The following FIP1L1 variants were observed in gnomAD, a reference collection of about 807,000 sequenced individuals.
The protein encoded by FIP1L1 is factor interacting with PAPOLA and CPSF1.
In FIP1L1, 21 loss-of-function variants were observed where a neutral mutation model predicts 84.6. The ratio of observed to expected loss-of-function variants is 0.25; its 90% CI spans 0.18 to 0.36. FIP1L1 has a LOEUF of 0.36. Among genes scored for constraint, FIP1L1 ranks in the 10% least tolerant of loss-of-function variants. FIP1L1 has a pLI of 1.00. For missense variants in FIP1L1, 526 were observed against 751.1 expected (o/e 0.70, Z 3.50); for synonymous variants, 263 against 242.3 (o/e 1.09, Z -0.80).
At chr4:53,413,252 A>G (rs144551860) in intron 10 of FIP1L1, among the ~76,000 whole-genome samples, 2 of 151,752 alleles carry the variant, frequency 1.3e-5, no homozygotes, top group African/African-American at 2.4e-5. Flanking sequence ...AGAAGCAGCC[A>G]TTTTCAAAGG....
chr4:53,432,167 A>G (rs558859489), intron 13 of FIP1L1, among the ~76,000 whole-genome samples: 14 of 152,220 alleles, frequency 9.2e-5, no homozygotes, highest in African/African-American at 3.4e-4. Flanking sequence ...AGGCTGAGGC[A>G]GGAAGATCAC....
Position 53,459,395 on chromosome 4 carries a change from G to A in FIP1L1, c.1731G>A (p.Ala577=), listed in dbSNP as rs751358491. Reference sequence around the variant, plus strand: ...AAAGAAGCAAAGAAGGAAAAGAAGCGGGCAGTGAGCCTGCCCCTGAACAGG... The same window carrying A: ...AAAGAAGCAAAGAAGGAAAAGAAGCAGGCAGTGAGCCTGCCCCTGAACAGG... The part of the protein sequence containing the change: ...KSKRSKEGKE[A]GSEPAPEQES... Residue 577 remains alanine, a synonymous_variant, in exon 18 of 18, where the codon GCG becomes GCA. Coordinates refer to ENST00000337488, the MANE Select transcript of FIP1L1 (RefSeq NM_030917.4). The A allele has an allele frequency of 6.2e-6, 10 of 1,612,468 alleles. No homozygotes were observed. The highest frequency in any genetic ancestry group is 5.5e-5 in the South Asian group (5 of 91,054).
chr4:53,417,763 A>ACT (rs58568620), intron 11 of FIP1L1, among the ~76,000 whole-genome samples: 4 of 105,276 alleles, frequency 3.8e-5, no homozygotes, highest in African/African-American at 1.5e-4. Flanking sequence ...ACACACACAC[A>ACT]CTCTCTCTCT....
At chr4:53,426,664 A>G (rs1042547141) in intron 12 of FIP1L1, among the ~76,000 whole-genome samples, 9 of 152,202 alleles carry the variant, frequency 5.9e-5, no homozygotes, top group African/African-American at 2.2e-4. Context: ...GGATACTATT[A>G]TAATTATATT....
intron 11 of FIP1L1, among the ~76,000 whole-genome samples, chr4:53,416,321 A>G (rs971635842): frequency 3.3e-5 from 5 of 152,184 alleles, no homozygotes; most frequent in Admixed American, 2.0e-4. Flanking sequence ...TAAACTTACA[A>G]TTGTTTTGTT....
intron 13 of FIP1L1, 172 bp from the exon 14 acceptor site, chr4:53,442,481 C>T (rs140170202): frequency 6.4e-5 from 36 of 560,154 alleles, no homozygotes; most frequent in African/African-American, 4.4e-4. Context: ...AGTTTTATTG[C>T]GCTAAAAATC....
chr4:53,427,886 T>G, intron 12 of FIP1L1, 141 bp from the exon 13 acceptor site: 1 of 658,336 alleles, frequency 1.5e-6, no homozygotes. Context: ...CATGTAGAAC[T>G]ATTACTCTCC....
chr4:53,390,892 G>A, intron 7 of FIP1L1, 117 bp from the exon 8 acceptor site: 2 of 857,636 alleles, frequency 2.3e-6, no homozygotes. Context: ...CACCATAAAT[G>A]ATAGAGTGAT....
chr4:53,451,446 G>C (rs909359402), intron 15 of FIP1L1, among the ~76,000 whole-genome samples: 1 of 151,810 alleles, frequency 6.6e-6, no homozygotes, highest in African/African-American at 2.4e-5. Flanking sequence ...TTATTACTGA[G>C]AATATTTAGC....
rs11723755 is a variant in FIP1L1, at chr4:53,444,114, T to C, written c.1285+11T>C. 1 of 1,555,028 alleles carries C rather than the reference T, an allele frequency of 6.4e-7. No individual in the cohort carries two copies. Among genetic ancestry groups the C allele is most frequent in the South Asian group, 1.1e-5 (1 of 89,942 alleles). ...TTCCATATGGCAATGGTAAGTAGTA[T>C]TATTTAGATGCCTAGATTCAGTTTG... is the stretch of plus-strand genomic sequence containing the variant. On this transcript the variant is annotated intron_variant, in intron 15 of 17. Coordinates refer to ENST00000337488, the MANE Select transcript of FIP1L1 (RefSeq NM_030917.4).
chr4:53,378,448 C>T (rs1482753932), intron 1 of FIP1L1: 2 of 152,554 alleles, frequency 1.3e-5, no homozygotes, highest in East Asian at 3.8e-4. Context: ...GTCTGAAAGT[C>T]GTGCTTTAAA....
chr4:53,422,769 C>T (rs1289950015), intron 11 of FIP1L1, among the ~76,000 whole-genome samples: 1 of 151,598 alleles, frequency 6.6e-6, no homozygotes. Flanking sequence ...GTCTGGAGTG[C>T]AGTGGCACAA....
intron 13 of FIP1L1, among the ~76,000 whole-genome samples, chr4:53,431,950 A>G (rs980680694): frequency 6.6e-6 from 1 of 152,220 alleles, no homozygotes; most frequent in African/African-American, 2.4e-5. Context: ...TTTGCTAGTA[A>G]CACAGAGAGG....
intron 11 of FIP1L1, among the ~76,000 whole-genome samples, chr4:53,417,682 C>T (rs1473366393): frequency 7.0e-6 from 1 of 142,272 alleles, no homozygotes; most frequent in Non-Finnish European, 1.5e-5. Context: ...GAAAATTCCA[C>T]AACAGATACC....
At chr4:53,378,500 A>G (rs1319174543) in intron 1 of FIP1L1, 2 of 152,522 alleles carry the variant, frequency 1.3e-5, no homozygotes, top group Non-Finnish European at 2.9e-5. Flanking sequence ...TGGCCCATAA[A>G]GAAAACTCTG....
intron 11 of FIP1L1, among the ~76,000 whole-genome samples, chr4:53,419,889 G>A (rs1761423534): frequency 6.6e-6 from 1 of 152,054 alleles, no homozygotes. Flanking sequence ...GAGGTGGGCG[G>A]ATCACCTGAG....
chr4:53,449,569 CT>C (rs1775558864), intron 15 of FIP1L1, among the ~76,000 whole-genome samples: 1 of 151,946 alleles, frequency 6.6e-6, no homozygotes, highest in Admixed American at 6.6e-5. Flanking sequence ...ATAAAATTGG[CT>C]TAGGATTTCC....
intron 13 of FIP1L1, among the ~76,000 whole-genome samples, chr4:53,433,472 G>A (rs1211452708): frequency 6.6e-6 from 1 of 151,750 alleles, no homozygotes. Flanking sequence ...TTTAATTTAG[G>A]CTTTTAAATG....
intron 15 of FIP1L1, among the ~76,000 whole-genome samples, chr4:53,451,769 G>A (rs149980472): frequency 7.3e-5 from 11 of 151,488 alleles, no homozygotes; most frequent in East Asian, 1.9e-4. Context: ...ATTGAATAGC[G>A]TATATTGTTT....
Sources: gnomAD v4.1 joint callset for allele counts (sites outside exome capture counted in the v4.1 genomes callset) on GRCh38, gnomAD v4.1.1 for gene constraint, MANE v1.5 for transcripts, NCBI Gene and HGNC (gene_info 2026-07-23, HGNC 2026-07-21) for gene names.